Variants in MEF2A observed in about 807,000 individuals in gnomAD.
The protein encoded by MEF2A is myocyte-specific enhancer factor 2A.
Under a neutral mutation model 55.8 loss-of-function variants are expected in MEF2A, and 28 were observed. That is an observed-to-expected ratio of 0.50 (90% confidence interval 0.37 to 0.69). The LOEUF (loss-of-function observed/expected upper bound fraction) is 0.69. Among genes scored for constraint, MEF2A ranks in the 30% least tolerant of loss-of-function variants. MEF2A has a pLI of 0.00. For synonymous variants in MEF2A, 239 were observed against 227.1 expected (o/e 1.05, Z -0.47); for missense variants, 528 against 626.2 (o/e 0.84, Z 1.67).
At chr15:99,678,755 A>G in intron 7 of MEF2A, 4 of 851,422 alleles carry the variant, frequency 4.7e-6, no homozygotes, top group Non-Finnish European at 5.7e-6. Context: ...AGTCTAATGG[A>G]AAGACTGATT....
intron 4 of MEF2A, among the ~76,000 whole-genome samples, chr15:99,666,036 T>G (rs2049615251): frequency 6.6e-6 from 1 of 152,180 alleles, no homozygotes; most frequent in African/African-American, 2.4e-5. Context: ...TGGTGATTCC[T>G]CAAGGATCTA....
Position 99,712,576 on chromosome 15 carries a change from G to A in MEF2A, c.1323G>A (p.Gln441=). 6.5e-7 allele frequency: 1 copy of A among 1,548,748 alleles called. No homozygotes were observed. The highest frequency in any genetic ancestry group is 2.0e-5 in the Admixed American group (1 of 50,822). ...CGCAGCCCCAGCCACAACCCCCGCA[G>A]CCCCAGCCCCGACAGGAAATGGGGC... ...PPPQPQPQPP[Q]PQPRQEMGRS... The change falls in exon 12 of 12, where the codon CAG becomes CAA. Residue 441 remains glutamine (Q), a synonymous_variant. Transcript: ENST00000557942. The surrounding 1 kb of genome is among the most constrained non-coding windows in gnomAD (Gnocchi z 4.1).
chr15:99,667,715 A>G (rs1450871006), intron 4 of MEF2A, among the ~76,000 whole-genome samples: 1 of 152,168 alleles, frequency 6.6e-6, no homozygotes, highest in Non-Finnish European at 1.5e-5. Flanking sequence ...CACAGTTGAG[A>G]GAGGAAGTCA....
intron 8 of MEF2A, among the ~76,000 whole-genome samples, chr15:99,702,810 A>G (rs1029350723): frequency 4.6e-5 from 7 of 152,218 alleles, no homozygotes; most frequent in African/African-American, 1.7e-4. Flanking sequence ...AACATATATA[A>G]AACTGGTATT....
At chr15:99,706,694 C>T (rs1345609680) in intron 9 of MEF2A, 35 bp from the exon 10 acceptor site, 3 of 1,605,894 alleles carry the variant, frequency 1.9e-6, no homozygotes, top group Middle Eastern at 3.3e-4. Context: ...ATAAATACCA[C>T]ATCAGAACAC....
intron 1 of MEF2A, among the ~76,000 whole-genome samples, chr15:99,571,389 A>G (rs1184021981): frequency 6.6e-6 from 1 of 152,202 alleles, no homozygotes; most frequent in Non-Finnish European, 1.5e-5. Context: ...TGTATTATAA[A>G]GTGCAGTGCC....
chr15:99,698,803 A>C (rs1300622301), intron 8 of MEF2A, among the ~76,000 whole-genome samples: 4 of 152,104 alleles, frequency 2.6e-5, no homozygotes, highest in South Asian at 2.1e-4. Context: ...AAAAAAAAAA[A>C]CAAAAACGCA....
intron 2 of MEF2A, among the ~76,000 whole-genome samples, chr15:99,601,600 C>G (rs1973016158): frequency 6.7e-6 from 1 of 149,604 alleles, no homozygotes; most frequent in Non-Finnish European, 1.5e-5. Flanking sequence ...TCACCTACCT[C>G]CCCTCCTGTT....
At chr15:99,585,134 C>G (rs1241504613) in intron 1 of MEF2A, among the ~76,000 whole-genome samples, 1 of 152,122 alleles carries the variant, frequency 6.6e-6, no homozygotes, top group East Asian at 1.9e-4. Context: ...GTGCTTTATT[C>G]TAGTTGACAG....
At position 99,619,593 on chromosome 15, in the gene MEF2A, A is replaced by G. The variant is rs567422057; in HGVS notation, c.-142-13385A>G. On this transcript the variant is annotated intron_variant, in intron 2 of 11. Coordinates refer to ENST00000557942, the MANE Select transcript of MEF2A (RefSeq NM_001319206.4). The stretch of plus-strand genomic sequence containing the variant: ...TCTTTCTCCATTCAGCCAACTGATT[A>G]CTCATTTTGTTTTCAGATCATAAAT... Among the ~76,000 whole-genome samples, 9 of 152,226 alleles carry G rather than the reference A, an allele frequency of 5.9e-5. No homozygotes were observed. The South Asian group carries it at 1.9e-3, about 32-fold the overall frequency.
chr15:99,715,967 A>C lies in MEF2A; in HGVS notation c.*3196A>C, dbSNP rs1428216430. 6.5e-6 allele frequency: 1 copy of C among 153,476 alleles called. No homozygotes were observed. The highest frequency in any genetic ancestry group is 2.4e-5 in the African/African-American group (1 of 41,456). The allele number at this position is 153,476 out of a possible 1,614,324, so 9.5% of individuals were successfully genotyped here. A position where few individuals can be genotyped will look rare whatever the true frequency, so the allele number is the denominator to read the frequency against. Reference sequence around the variant, plus strand: ...TTTACCCTTTCCTTTAACTAGAAGGATAACTAGTAATGCATCAACATAATT... The same window carrying C: ...TTTACCCTTTCCTTTAACTAGAAGGCTAACTAGTAATGCATCAACATAATT... On this transcript the variant is annotated 3_prime_UTR_variant, in exon 12 of 12. Transcript: ENST00000557942.
intron 2 of MEF2A, among the ~76,000 whole-genome samples, chr15:99,627,049 A>G (rs1304212102): frequency 1.3e-5 from 2 of 152,026 alleles, no homozygotes; most frequent in Non-Finnish European, 2.9e-5. Flanking sequence ...ATTTTTTTTC[A>G]CCTAGCCATA....
At chr15:99,604,834 GTTAA>G (rs1974486103) in intron 2 of MEF2A, among the ~76,000 whole-genome samples, 1 of 151,930 alleles carries the variant, frequency 6.6e-6, no homozygotes, top group South Asian at 2.1e-4. Flanking sequence ...TTTCCGTGGG[GTTAA>G]TTTACTGCCC....
chr15:99,706,944 A>G (rs1168711624), intron 10 of MEF2A, 89 bp downstream of exon 10: 4 of 1,397,392 alleles, frequency 2.9e-6, no homozygotes, highest in Non-Finnish European at 3.9e-6. Context: ...AAGTATATTT[A>G]TTGAAATAAA....
At chr15:99,673,708 A>G (rs1297822069) in intron 5 of MEF2A, among the ~76,000 whole-genome samples, 1 of 152,166 alleles carries the variant, frequency 6.6e-6, no homozygotes, top group Non-Finnish European at 1.5e-5. Context: ...CATTTATAAT[A>G]TTTGTAATTT....
At chr15:99,595,472 A>T (rs998936456) in intron 1 of MEF2A, among the ~76,000 whole-genome samples, 1 of 152,130 alleles carries the variant, frequency 6.6e-6, no homozygotes, top group South Asian at 2.1e-4. Context: ...TGTAAGCTCT[A>T]TGAAGTCAGG....
chr15:99,573,430 G>A (rs993394804), intron 1 of MEF2A, among the ~76,000 whole-genome samples: 26 of 152,190 alleles, frequency 1.7e-4, no homozygotes, highest in African/African-American at 6.3e-4. Context: ...TTAACATACG[G>A]TCATTATTCT....
chr15:99,680,489 A>T (rs1486467198), intron 7 of MEF2A, among the ~76,000 whole-genome samples: 2 of 152,180 alleles, frequency 1.3e-5, no homozygotes, highest in African/African-American at 4.8e-5. Flanking sequence ...ATCTTTCTGG[A>T]AAGGTTTTGG....
intron 4 of MEF2A, among the ~76,000 whole-genome samples, chr15:99,660,305 A>G (rs1411266548): frequency 6.6e-6 from 1 of 151,904 alleles, no homozygotes; most frequent in African/African-American, 2.4e-5. Flanking sequence ...AGACATTTTT[A>G]TTTTCAGAAT....
Sources: allele counts gnomAD v4.1 joint callset (sites outside exome capture counted in the v4.1 genomes callset), GRCh38; gene constraint gnomAD v4.1.1; non-coding constraint Gnocchi (gnomAD v3.1); transcripts MANE v1.5; gene names NCBI Gene and HGNC (gene_info 2026-07-23, HGNC 2026-07-21).